Variants in CSMD1 observed in about 807,000 individuals in gnomAD.
The protein encoded by CSMD1 is CUB and sushi domain-containing protein 1.
CSMD1 carries 213 observed loss-of-function variants against 417.5 expected under a neutral mutation model. The ratio of observed to expected loss-of-function variants is 0.51; its 90% confidence interval spans 0.46 to 0.57. CSMD1 has a LOEUF of 0.57. Ranked by LOEUF, CSMD1 falls within the 20% of genes least tolerant of loss-of-function variation. The pLI, the probability that CSMD1 is intolerant of heterozygous loss-of-function variation, is 0.00. For missense variants in CSMD1, 6,923 were observed against 4,529.7 expected, an observed-to-expected ratio of 1.53 and a Z score of -15.17; for synonymous variants, 2,862 against 1,736.8, an observed-to-expected ratio of 1.65 and a Z score of -16.11.
At chr8:4,855,914 C>T (rs1243828008) in intron 1 of CSMD1, among the ~76,000 whole-genome samples, 38 of 149,334 alleles carry the variant, frequency 2.5e-4, no homozygotes, top group African/African-American at 4.2e-4. Flanking sequence ...ATACAGAGAA[C>T]GCCACAAAGA....
intron 3 of CSMD1, among the ~76,000 whole-genome samples, chr8:4,240,777 A>G (rs1485793617): frequency 6.6e-6 from 1 of 152,186 alleles, no homozygotes; most frequent in East Asian, 1.9e-4. Context: ...TTCTTATAAT[A>G]AAAGTGACAG....
At chr8:3,165,137 C>A (rs1303940708) in intron 37 of CSMD1, among the ~76,000 whole-genome samples, 1 of 151,976 alleles carries the variant, frequency 6.6e-6, no homozygotes, top group East Asian at 1.9e-4. Flanking sequence ...TAAAAAGAAC[C>A]ATCTTTTCTT....
chr8:3,271,088 C>A (rs1279540578), intron 26 of CSMD1, among the ~76,000 whole-genome samples: 2 of 123,882 alleles, frequency 1.6e-5, no homozygotes, highest in Middle Eastern at 5.1e-3. Context: ...CTCCCCCCAC[C>A]CCACAACAGT....
At chr8:4,028,423 G>C (rs950881908) in intron 4 of CSMD1, among the ~76,000 whole-genome samples, 2 of 152,042 alleles carry the variant, frequency 1.3e-5, no homozygotes, top group Non-Finnish European at 2.9e-5. Flanking sequence ...GGTGGTAGTA[G>C]TAGCAGTCAT....
At chr8:4,347,888 T>G (rs1022276588) in intron 3 of CSMD1, among the ~76,000 whole-genome samples, 1 of 151,226 alleles carries the variant, frequency 6.6e-6, no homozygotes, top group Admixed American at 6.6e-5. Flanking sequence ...TAATCCATGA[T>G]AAGAAAAAAA....
intron 3 of CSMD1, among the ~76,000 whole-genome samples, chr8:4,053,519 A>G (rs561661802): frequency 3.3e-5 from 5 of 152,032 alleles, no homozygotes; most frequent in Non-Finnish European, 7.4e-5. Flanking sequence ...TCAAAATATG[A>G]AACACTTTTG....
intron 12 of CSMD1, among the ~76,000 whole-genome samples, chr8:3,443,648 G>A (rs1815130232): frequency 6.6e-6 from 1 of 152,128 alleles, no homozygotes; most frequent in African/African-American, 2.4e-5. Context: ...GAATATCAAA[G>A]TATGCAAATC....
At chr8:4,207,990 C>T (rs1352357051) in intron 3 of CSMD1, among the ~76,000 whole-genome samples, 2 of 151,946 alleles carry the variant, frequency 1.3e-5, no homozygotes, top group African/African-American at 4.8e-5. Context: ...AATAGTTAAG[C>T]AGAGAAAAGT....
intron 2 of CSMD1, among the ~76,000 whole-genome samples, chr8:4,562,050 GC>G (rs1798367061): frequency 6.6e-6 from 1 of 152,166 alleles, no homozygotes. Flanking sequence ...ATTCAATGCA[GC>G]CAGCAAAGAG....
intron 1 of CSMD1, among the ~76,000 whole-genome samples, chr8:4,908,045 AAT>A (rs1554517107): frequency 6.6e-6 from 1 of 152,150 alleles, no homozygotes; most frequent in Non-Finnish European, 1.5e-5. Flanking sequence ...TGGAATGTAC[AAT>A]AGTTTTCCAT....
chr8:4,030,327 G>A (rs1424070489), intron 4 of CSMD1, among the ~76,000 whole-genome samples: 1 of 152,176 alleles, frequency 6.6e-6, no homozygotes, highest in East Asian at 1.9e-4. Context: ...GGACATCTAG[G>A]AATTTCTATA....
At chr8:4,734,291 T>C (rs1810085938) in intron 1 of CSMD1, among the ~76,000 whole-genome samples, 1 of 152,194 alleles carries the variant, frequency 6.6e-6, no homozygotes, top group Non-Finnish European at 1.5e-5. Context: ...TATTGAGCAG[T>C]ACTAAAAAAG....
chr8:4,019,529 G>C lies in CSMD1; in HGVS notation c.610+12376C>G, dbSNP rs566192524. ...TGTGAAGTTTGGTGGTTACCCAAGAGACATTCCCCATTCCCTCTGTGCCTG... is the reference window on the plus strand; with the variant it reads ...TGTGAAGTTTGGTGGTTACCCAAGACACATTCCCCATTCCCTCTGTGCCTG... On this transcript the variant is annotated intron_variant, in intron 4 of 69. Coordinates refer to ENST00000635120, the MANE Select transcript of CSMD1 (RefSeq NM_033225.6). 2.6e-5 allele frequency among the ~76,000 whole-genome samples: 4 copies of C among 152,294 alleles called. No individual in the cohort carries two copies. The South Asian group carries it at 8.3e-4, about 32-fold the overall frequency.
intron 20 of CSMD1, among the ~76,000 whole-genome samples, chr8:3,362,346 T>C (rs1809245350): frequency 6.6e-6 from 1 of 152,178 alleles, no homozygotes; most frequent in Admixed American, 6.5e-5. Flanking sequence ...TCCACTCAAA[T>C]GATCTTACCA....
chr8:4,303,112 A>G (rs1798067441), intron 3 of CSMD1, among the ~76,000 whole-genome samples: 1 of 152,130 alleles, frequency 6.6e-6, no homozygotes, highest in Non-Finnish European at 1.5e-5. Flanking sequence ...AAAGGAATTA[A>G]AATAAGGACA....
intron 4 of CSMD1, among the ~76,000 whole-genome samples, chr8:4,019,772 G>A (rs904818089): frequency 6.6e-6 from 1 of 152,088 alleles, no homozygotes; most frequent in African/African-American, 2.4e-5. Flanking sequence ...TGTCCAAGTG[G>A]TGGTGTGTAA....
At chr8:3,633,125 C>G (rs144249120) in intron 7 of CSMD1, among the ~76,000 whole-genome samples, 51 of 152,296 alleles carry the variant, frequency 3.3e-4, no homozygotes, top group Admixed American at 1.5e-3. Flanking sequence ...ATTTCTCTAA[C>G]TTTATGTTAC....
intron 2 of CSMD1, among the ~76,000 whole-genome samples, chr8:4,565,266 A>G (rs1798535267): frequency 6.6e-6 from 1 of 152,218 alleles, no homozygotes; most frequent in Non-Finnish European, 1.5e-5. Flanking sequence ...AATAGTGTGC[A>G]GAATATTGAG....
chr8:3,319,383 G>A (rs1000017103), intron 23 of CSMD1, among the ~76,000 whole-genome samples: 3 of 152,116 alleles, frequency 2.0e-5, no homozygotes, highest in African/African-American at 4.8e-5. Flanking sequence ...ATAATTTTAT[G>A]TCAGTCAATA....
Sources: gnomAD v4.1 joint callset for allele counts (sites outside exome capture counted in the v4.1 genomes callset) on GRCh38, gnomAD v4.1.1 for gene constraint, MANE v1.5 for transcripts, NCBI Gene and HGNC (gene_info 2026-07-23, HGNC 2026-07-21) for gene names.